The following ZNF385B variants were observed in gnomAD, a reference collection of about 807,000 sequenced individuals.
ZNF385B encodes zinc finger protein 533.
ZNF385B carries 23 observed loss-of-function variants against 39.2 expected under a neutral mutation model. The observed-to-expected ratio is 0.59, with a 90% CI of 0.42 to 0.83. The LOEUF is 0.83. Among genes scored for constraint, ZNF385B ranks in the 40% least tolerant of loss-of-function variants. The pLI is 0.00. For missense variants in ZNF385B, 552 were observed against 598.9 expected (o/e 0.92, Z 0.82); for synonymous variants, 205 against 222.6 (o/e 0.92, Z 0.70).
chr2:179,791,665 C>T (rs560616297), intron 1 of ZNF385B, among the ~76,000 whole-genome samples: 3 of 152,166 alleles, frequency 2.0e-5, no homozygotes, highest in Admixed American at 1.3e-4. Flanking sequence ...AGTGCCATGG[C>T]AAGCCATTGG....
chr2:179,683,393 A>C (rs1291153571), intron 3 of ZNF385B, among the ~76,000 whole-genome samples: 1 of 152,102 alleles, frequency 6.6e-6, no homozygotes, highest in Non-Finnish European at 1.5e-5. Flanking sequence ...AAAAAGAAAA[A>C]AAGGAGCTAA....
intron 3 of ZNF385B, among the ~76,000 whole-genome samples, chr2:179,692,496 C>A (rs78915165): frequency 6.6e-6 from 1 of 152,122 alleles, no homozygotes; most frequent in Admixed American, 6.5e-5. Context: ...CTTGATGTGA[C>A]CTCCCCAACC....
At chr2:179,611,588 T>C (rs1689293886) in intron 3 of ZNF385B, among the ~76,000 whole-genome samples, 1 of 152,170 alleles carries the variant, frequency 6.6e-6, no homozygotes, top group East Asian at 1.9e-4. Context: ...CCTCCTCCTA[T>C]TTGTTTTGAA....
At chr2:179,841,309 GT>G (rs1708522916) in intron 1 of ZNF385B, among the ~76,000 whole-genome samples, 1 of 152,260 alleles carries the variant, frequency 6.6e-6, no homozygotes, top group African/African-American at 2.4e-5. Context: ...TAAGTGGAGA[GT>G]TTTGATACAA....
intron 4 of ZNF385B, among the ~76,000 whole-genome samples, chr2:179,528,941 C>T (rs536703496): frequency 6.6e-6 from 1 of 152,300 alleles, no homozygotes; most frequent in Non-Finnish European, 1.5e-5. Context: ...TAAGAAGCCA[C>T]TTCAAAGAGC....
rs186337668 is a variant in ZNF385B, at chr2:179,554,345, G to A, written c.299-9376C>T. ...GGTTCATAAATGTTTCGACAGATGA[G>A]ATATCTCTTAAGATAAACTTTGAGG... On this transcript the variant is annotated intron_variant, in intron 3 of 9. Coordinates refer to ENST00000410066, the MANE Select transcript of ZNF385B (RefSeq NM_152520.6). Among the ~76,000 whole-genome samples, 418 of 149,550 alleles carry A rather than the reference G, an allele frequency of 2.8e-3. 16 individuals carry two copies. The highest frequency in any genetic ancestry group is 4.9e-3 in the Non-Finnish European group (328 of 67,590).
At chr2:179,767,389 A>T (rs1475094173) in intron 3 of ZNF385B, among the ~76,000 whole-genome samples, 1 of 152,106 alleles carries the variant, frequency 6.6e-6, no homozygotes, top group African/African-American at 2.4e-5. Flanking sequence ...AGGCAGGGGG[A>T]GGGTAGAAGC....
chr2:179,808,822 CA>C lies in ZNF385B; in HGVS notation c.-154-38151del, dbSNP rs561578755. On this transcript the variant is annotated intron_variant, in intron 1 of 9. Transcript: ENST00000410066. ...CTACAGCAATAACATTACAGCTTTG[CA>C]AAAAAACAACAAAACACATATTATG... 3.6e-4 allele frequency among the ~76,000 whole-genome samples: 55 copies of C among 151,890 alleles called. 1 individual carries two copies. In the South Asian group the frequency reaches 4.8e-3, roughly 13 times the overall value.
At chr2:179,683,696 G>A (rs1338304004) in intron 3 of ZNF385B, among the ~76,000 whole-genome samples, 1 of 152,024 alleles carries the variant, frequency 6.6e-6, no homozygotes, top group East Asian at 2.0e-4. Flanking sequence ...GGCTAGTCTC[G>A]AACTCCTGAC....
intron 1 of ZNF385B, among the ~76,000 whole-genome samples, chr2:179,812,917 T>C (rs1014639768): frequency 6.6e-6 from 1 of 152,206 alleles, no homozygotes; most frequent in Non-Finnish European, 1.5e-5. Flanking sequence ...ATTTGGAATT[T>C]TAAAATTTAT....
intron 3 of ZNF385B, among the ~76,000 whole-genome samples, chr2:179,700,983 A>C (rs930694895): frequency 6.6e-6 from 1 of 152,234 alleles, no homozygotes; most frequent in Non-Finnish European, 1.5e-5. Flanking sequence ...ACTGCACTCC[A>C]GCCTGGGCGA....
intron 3 of ZNF385B, among the ~76,000 whole-genome samples, chr2:179,732,003 G>A (rs1701424048): frequency 6.6e-6 from 1 of 152,208 alleles, no homozygotes; most frequent in East Asian, 1.9e-4. Context: ...AAGAAAGAAT[G>A]CCTAGCAAAG....
intron 3 of ZNF385B, among the ~76,000 whole-genome samples, chr2:179,575,713 T>G (rs1445680279): frequency 6.6e-6 from 1 of 152,078 alleles, no homozygotes; most frequent in Non-Finnish European, 1.5e-5. Context: ...ATTAATATAG[T>G]TCTCTCTCTA....
At chr2:179,541,399 G>A (rs897833414) in intron 4 of ZNF385B, among the ~76,000 whole-genome samples, 1 of 152,016 alleles carries the variant, frequency 6.6e-6, no homozygotes, top group Non-Finnish European at 1.5e-5. Flanking sequence ...ATCATATAAT[G>A]TTATCATACT....
chr2:179,746,014 T>G, intron 3 of ZNF385B: 3 of 1,129,798 alleles, frequency 2.7e-6, no homozygotes, highest in Non-Finnish European at 3.2e-6. Flanking sequence ...CAATTCTATA[T>G]CTCCATGTGT....
chr2:179,665,519 C>T (rs1306798632), intron 3 of ZNF385B, among the ~76,000 whole-genome samples: 1 of 152,176 alleles, frequency 6.6e-6, no homozygotes, highest in Non-Finnish European at 1.5e-5. Flanking sequence ...GCTGCGGCTC[C>T]CCAGAAACCT....
chr2:179,532,190 C>G (rs1056703624), intron 4 of ZNF385B, among the ~76,000 whole-genome samples: 1 of 152,146 alleles, frequency 6.6e-6, no homozygotes, highest in South Asian at 2.1e-4. Flanking sequence ...ATTGAACTGT[C>G]TTTTCTTCTG....
chr2:179,622,653 A>G (rs1258981304), intron 3 of ZNF385B, among the ~76,000 whole-genome samples: 1 of 152,234 alleles, frequency 6.6e-6, no homozygotes, highest in Non-Finnish European at 1.5e-5. Flanking sequence ...AGCCACACAT[A>G]TAAGAATAAA....
chr2:179,547,904 A>G lies in ZNF385B; in HGVS notation c.299-2935T>C, dbSNP rs1295433806. Among the ~76,000 whole-genome samples the G allele has an allele frequency of 2.7e-5, 4 of 149,294 alleles. 1 individual carries two copies. The highest frequency in any genetic ancestry group is 1.0e-4 in the African/African-American group (4 of 39,606). On this transcript the variant is annotated intron_variant, in intron 3 of 9. Coordinates refer to ENST00000410066, the MANE Select transcript of ZNF385B (RefSeq NM_152520.6). ...TGTGTCCTCTTCAATTTCTTTCATC[A>G]ATGTTTCATAGTTTTCATTGTAGAG...
Sources: allele counts gnomAD v4.1 joint callset (sites outside exome capture counted in the v4.1 genomes callset), GRCh38; gene constraint gnomAD v4.1.1; transcripts MANE v1.5; gene names NCBI Gene and HGNC (gene_info 2026-07-23, HGNC 2026-07-21).